Variants in SCN10A observed in about 807,000 individuals in gnomAD.
The protein encoded by SCN10A is sodium channel protein type 10 subunit alpha.
A neutral mutation model predicts 170.7 loss-of-function variants in SCN10A; 162 were observed. The observed-to-expected ratio is 0.95, with a 90% CI of 0.84 to 1.08. The LOEUF (loss-of-function observed/expected upper bound fraction) is 1.08, where lower values mean the gene tolerates loss of function less well. SCN10A is among the 50% of genes least tolerant of loss of function. The pLI is 0.00. For missense variants in SCN10A, 2,527 were observed against 2,436.9 expected (o/e 1.04, Z -0.78); for synonymous variants, 985 against 904.6 (o/e 1.09, Z -1.59).
In SCN10A at chr3:38,701,823, G is replaced by A. The variant is rs115824540; in HGVS notation, c.4657+16C>T. 9.0e-4 allele frequency: 1,429 copies of A among 1,583,264 alleles called. 17 individuals carry two copies. In the African/African-American group the frequency reaches 0.013, roughly 15 times the overall value. ...AACAGAGGTGGGGCTTCCCCACCAC[G>A]TGGCTGCCCACTTACTCGCAATGGA... On this transcript the variant is annotated intron_variant, in intron 27 of 27. Coordinates refer to ENST00000449082, the MANE Select transcript of SCN10A (RefSeq NM_006514.4).
intron 19 of SCN10A, 107 bp downstream of exon 19, chr3:38,723,323 G>A: frequency 1.1e-5 from 16 of 1,399,956 alleles, no homozygotes; most frequent in Non-Finnish European, 1.5e-5. Context: ...GAGGCAGCAA[G>A]TGGGCACAGC....
Position 38,701,896 on chromosome 3 carries a change from A to G in SCN10A, c.4600T>C (p.Tyr1534His). The stretch of plus-strand genomic sequence containing the variant: ...AACACATTCCAGCCATTTGTGAAGT[A>G]GTACTGCCTCAAAGCGAACATCTTC... ...VMKMFALRQY[Y>H]FTNGWNVFDF... Residue 1534 changes from tyrosine to histidine, a missense_variant, in exon 27 of 28, where the codon TAC becomes CAC. Tyr to His is a moderately conservative substitution (Grantham distance 83, BLOSUM62 2). Transcript: ENST00000449082. 6 of 1,614,060 alleles carry G rather than the reference A, an allele frequency of 3.7e-6. No homozygotes were observed. Among genetic ancestry groups the G allele is most frequent in the Non-Finnish European group, 5.1e-6 (6 of 1,179,956 alleles).
At chr3:38,753,083 G>A (rs1170817461) in intron 11 of SCN10A, among the ~76,000 whole-genome samples, 2 of 152,178 alleles carry the variant, frequency 1.3e-5, no homozygotes, top group Admixed American at 1.3e-4. Context: ...AGGATCCCTC[G>A]AGGCTTGAAC....
rs534025340 is a variant in SCN10A, at chr3:38,764,154, T to A, written c.600-558A>T. Among the ~76,000 whole-genome samples, 39 of 152,316 alleles carry A rather than the reference T, an allele frequency of 2.6e-4. 1 individual carries two copies. Among genetic ancestry groups the A allele is most frequent in the Middle Eastern group, 6.8e-3 (2 of 294 alleles). On this transcript the variant is annotated intron_variant, in intron 5 of 27. Coordinates refer to ENST00000449082, the MANE Select transcript of SCN10A (RefSeq NM_006514.4). ...AGCCCCACATGGACACCCATGCAAA[T>A]CTTTTTATTTTATTTTATTTCAATA... is the stretch of plus-strand genomic sequence containing the variant.
At chr3:38,777,554 C>T (rs2064090256) in intron 4 of SCN10A, among the ~76,000 whole-genome samples, 1 of 151,996 alleles carries the variant, frequency 6.6e-6, no homozygotes, top group South Asian at 2.1e-4. Context: ...CATTACCAAA[C>T]AAAGTTTCCA....
chr3:38,804,346 C>T (rs1056797388), intron 1 of SCN10A, among the ~76,000 whole-genome samples: 3 of 152,124 alleles, frequency 2.0e-5, no homozygotes, highest in Non-Finnish European at 4.4e-5. Context: ...CAGCCCCTGG[C>T]CACTTTGTAC....
rs1035546468 is a variant in SCN10A at position 38,723,670 on chromosome 3, G to A, written c.3229-117C>T. ...TTGGTGCCTCGCCAGCTGAGGCCTG[G>A]AACACTGCTCTTCTCCCTGGAGCCC... On this transcript the variant is annotated intron_variant, in intron 18 of 27. Coordinates refer to ENST00000449082, the MANE Select transcript of SCN10A (RefSeq NM_006514.4). 16 of 1,234,014 alleles carry A rather than the reference G, an allele frequency of 1.3e-5. No homozygotes were observed. The African/African-American group carries it at 1.5e-4, about 11-fold the overall frequency. The allele number at this position is 1,234,014 out of a possible 1,614,324, so 76.4% of individuals were successfully genotyped here.
At chr3:38,742,838 C>A (rs2063648544) in intron 13 of SCN10A, among the ~76,000 whole-genome samples, 1 of 152,204 alleles carries the variant, frequency 6.6e-6, no homozygotes, top group Admixed American at 6.5e-5. Context: ...TCTCTAACTA[C>A]TCCCTTGTAG....
At chr3:38,757,555 T>C (rs1411426991) in intron 8 of SCN10A, among the ~76,000 whole-genome samples, 1 of 152,204 alleles carries the variant, frequency 6.6e-6, no homozygotes, top group Non-Finnish European at 1.5e-5. Context: ...AGTTCACTGA[T>C]TAATTATATG....
At chr3:38,742,199 G>A in intron 14 of SCN10A, 92 bp downstream of exon 14, 1 of 841,718 alleles carries the variant, frequency 1.2e-6, no homozygotes, top group East Asian at 2.5e-5. Flanking sequence ...AACCAATAAG[G>A]GCATGCCCCA....
At chr3:38,775,978 G>A (rs189494075) in intron 4 of SCN10A, among the ~76,000 whole-genome samples, 1 of 151,952 alleles carries the variant, frequency 6.6e-6, no homozygotes, top group African/African-American at 2.4e-5. Flanking sequence ...TTTTATACTG[G>A]GAAAGCCTTA....
In SCN10A at chr3:38,726,774, C is replaced by T; in HGVS notation, c.2919G>A (p.Gly973=). The T allele has an allele frequency of 6.2e-7, 1 of 1,610,752 alleles. No individual in the cohort carries two copies. Among genetic ancestry groups the T allele is most frequent in the Non-Finnish European group, 8.5e-7 (1 of 1,177,154 alleles). ...AANTARGSSG[G]LQAPRGPRDE... ...CCCTGGGGCCTCTGGGAGCTTGGAG[C>T]CCTCCAGAGCTCCCCCTGGCAGTGT... The change falls in exon 17 of 28, where the codon GGG becomes GGA. Residue 973 remains glycine, a synonymous_variant. Transcript: ENST00000449082.
chr3:38,746,063 GTATA>G (rs1553619550), intron 13 of SCN10A, among the ~76,000 whole-genome samples: 5,377 of 61,648 alleles, frequency 0.087, 345 homozygotes, highest in Admixed American at 0.18. Context: ...GTGTGTATGT[GTATA>G]TATATATATA....
chr3:38,737,940 G>C (rs1023894261), intron 15 of SCN10A, among the ~76,000 whole-genome samples: 6 of 143,022 alleles, frequency 4.2e-5, no homozygotes, highest in Non-Finnish European at 3.1e-5. Flanking sequence ...CTCTCTCTCT[G>C]TGTCTCCTTT....
rs769728383 is a variant in SCN10A at position 38,752,271 on chromosome 3, T to C, written c.1703A>G (p.Glu568Gly). The C allele has an allele frequency of 6.3e-7, 1 of 1,587,880 alleles. No individual in the cohort carries two copies. The highest frequency in any genetic ancestry group is 8.6e-7 in the Non-Finnish European group (1 of 1,166,742). ...CTCACTAGTGGGCGGCGGTTGGTGT[T>C]CATCTTCTCCATGCCTGGAGTCAGG... The part of the protein sequence containing the change: ...SNPDSRHGED[E>G]HQPPPTSELA... The change falls in exon 12 of 28, where the codon GAA becomes GGA. Residue 568 changes from glutamate to glycine, a missense_variant. By Grantham distance (98) the Glu-to-Gly change is moderately conservative. Coordinates refer to ENST00000449082, the MANE Select transcript of SCN10A (RefSeq NM_006514.4).
intron 1 of SCN10A, among the ~76,000 whole-genome samples, chr3:38,810,336 T>A (rs547777508): frequency 6.6e-6 from 1 of 152,284 alleles, no homozygotes; most frequent in East Asian, 1.9e-4. Context: ...GCCCTTCAGT[T>A]TATTCCAGGG....
intron 1 of SCN10A, among the ~76,000 whole-genome samples, chr3:38,797,639 G>A (rs1313261675): frequency 6.6e-6 from 1 of 152,180 alleles, no homozygotes; most frequent in Non-Finnish European, 1.5e-5. Flanking sequence ...GAGAAACAAA[G>A]ATTAAGTTAA....
At chr3:38,755,568 G>A (rs189916807) in intron 11 of SCN10A, among the ~76,000 whole-genome samples, 2 of 152,198 alleles carry the variant, frequency 1.3e-5, no homozygotes, top group African/African-American at 4.8e-5. Flanking sequence ...TCCCAATCTT[G>A]TTGATCCACT....
chr3:38,802,957 AAAAC>A (rs1466355551), intron 1 of SCN10A, among the ~76,000 whole-genome samples: 10 of 152,214 alleles, frequency 6.6e-5, no homozygotes, highest in African/African-American at 9.6e-5. Context: ...TTACAAGAAA[AAAAC>A]AAACAACCCC....
Sources: gnomAD v4.1 joint callset for allele counts (sites outside exome capture counted in the v4.1 genomes callset) on GRCh38, gnomAD v4.1.1 for gene constraint, MANE v1.5 for transcripts, NCBI Gene and HGNC (gene_info 2026-07-23, HGNC 2026-07-21) for gene names.